Variants in PIK3C2A observed in about 807,000 individuals in gnomAD.
PIK3C2A encodes phosphatidylinositol 4-phosphate 3-kinase C2 domain-containing subunit alpha.
PIK3C2A carries 97 observed loss-of-function variants against 204.5 expected under a neutral mutation model. The observed-to-expected ratio is 0.47, with a 90% CI of 0.40 to 0.56. PIK3C2A has a LOEUF of 0.56. Ranked by LOEUF, PIK3C2A falls within the 20% of genes least tolerant of loss-of-function variation. The probability of loss-of-function intolerance (pLI) is 0.00; values close to 1 mark genes in which losing one functional copy is unlikely to be tolerated. For missense variants in PIK3C2A, 1,735 were observed against 1,969.2 expected (o/e 0.88, Z 2.25); for synonymous variants, 653 against 664.4 (o/e 0.98, Z 0.26).
chr11:17,200,185 CAAA>C (rs79594642), intron 1 of PIK3C2A, among the ~76,000 whole-genome samples: 1 of 80,018 alleles, frequency 1.2e-5, no homozygotes. Context: ...GACTGCATTT[CAAA>C]AAAAAAAAAG....
intron 20 of PIK3C2A, among the ~76,000 whole-genome samples, chr11:17,113,052 C>T (rs1327755755): frequency 6.6e-6 from 1 of 151,872 alleles, no homozygotes; most frequent in Admixed American, 6.6e-5. Context: ...GCTCTTGTTG[C>T]CCAGGCTGGA....
intron 1 of PIK3C2A, among the ~76,000 whole-genome samples, chr11:17,184,147 A>G (rs1404450987): frequency 2.0e-5 from 3 of 151,964 alleles, no homozygotes; most frequent in South Asian, 2.1e-4. Context: ...TTATAATGTT[A>G]TAACAGAGAT....
chr11:17,134,938 A>C lies in PIK3C2A; in HGVS notation c.1989T>G (p.Gly663=). The C allele has an allele frequency of 1.9e-6, 3 of 1,613,714 alleles. No homozygotes were observed. Among genetic ancestry groups the C allele is most frequent in the Non-Finnish European group, 2.5e-6 (3 of 1,179,598 alleles). The change falls in exon 11 of 33, where the codon GGT becomes GGG. Residue 663 remains glycine, a synonymous_variant. Coordinates refer to ENST00000691414, the MANE Select transcript of PIK3C2A (RefSeq NM_002645.4). ...YDLLRLHANS[G]RSPTDCAQSS... ...TTTGGGCACAGTCTGTAGGACTCCTACCAGAATTTGCATGGAGTCTGAGAA... is the reference window on the plus strand; with the variant it reads ...TTTGGGCACAGTCTGTAGGACTCCTCCCAGAATTTGCATGGAGTCTGAGAA...
chr11:17,206,942 C>T (rs1005403492), intron 1 of PIK3C2A, among the ~76,000 whole-genome samples: 2 of 152,138 alleles, frequency 1.3e-5, no homozygotes, highest in African/African-American at 4.8e-5. Flanking sequence ...AATTCAAACC[C>T]CCACTGTTCA....
intron 2 of PIK3C2A, among the ~76,000 whole-genome samples, chr11:17,156,299 C>T (rs549703617): frequency 1.0e-3 from 158 of 152,286 alleles, no homozygotes; most frequent in African/African-American, 3.6e-3. Flanking sequence ...AGAATTGGAA[C>T]ATTCTCAATT....
At chr11:17,101,097 A>C (rs998439101) in intron 25 of PIK3C2A, among the ~76,000 whole-genome samples, 181 bp downstream of exon 25, 1 of 152,234 alleles carries the variant, frequency 6.6e-6, no homozygotes, top group Admixed American at 6.5e-5. Context: ...GTCAGACAGT[A>C]GGTACTCTTG....
intron 13 of PIK3C2A, among the ~76,000 whole-genome samples, chr11:17,125,780 A>T (rs1261584413): frequency 1.3e-5 from 2 of 151,938 alleles, no homozygotes; most frequent in East Asian, 3.9e-4. Context: ...GATTACAGGC[A>T]TGAGCCACCA....
intron 1 of PIK3C2A, among the ~76,000 whole-genome samples, chr11:17,189,324 TG>T: frequency 6.8e-6 from 1 of 146,700 alleles, no homozygotes; most frequent in South Asian, 2.1e-4. Flanking sequence ...AGAAGCTGTC[TG>T]GTATACATGC....
In PIK3C2A at chr11:17,089,837, C is replaced by T. The variant is rs1848249968; in HGVS notation, c.4962G>A (p.Glu1654=). ...LSVLSAESLR[E]NFFLGGVTLP... is the part of the protein sequence containing the mutation. ...GGGTTACTCCACCCAAGAAAAAATT[C>T]TCCCGCAGAGATTCTGCACTGAGTA... Residue 1654 remains glutamate (E), a synonymous_variant, in exon 33 of 33, where the codon GAG becomes GAA. Transcript: ENST00000691414. 3.1e-6 allele frequency: 5 copies of T among 1,613,752 alleles called. No individual in the cohort carries two copies. The highest frequency in any genetic ancestry group is 4.5e-5 in the East Asian group (2 of 44,892).
chr11:17,107,525 A>G (rs1379770744), intron 22 of PIK3C2A, among the ~76,000 whole-genome samples: 1 of 152,224 alleles, frequency 6.6e-6, no homozygotes, highest in Non-Finnish European at 1.5e-5. Context: ...AGAAGGCTAC[A>G]TAAGTAGTTA....
At chr11:17,109,994 C>T (rs1187999458) in intron 22 of PIK3C2A, among the ~76,000 whole-genome samples, 3 of 152,118 alleles carry the variant, frequency 2.0e-5, no homozygotes, top group South Asian at 2.1e-4. Context: ...ACTGTGTCAC[C>T]GAGCCTAGAA....
At chr11:17,124,117 T>C (rs540436235) in intron 13 of PIK3C2A, among the ~76,000 whole-genome samples, 3 of 152,238 alleles carry the variant, frequency 2.0e-5, no homozygotes, top group Admixed American at 2.0e-4. Context: ...CACTGAAGCC[T>C]TGAACTCCTG....
At chr11:17,139,675 C>T (rs540291469) in intron 8 of PIK3C2A, among the ~76,000 whole-genome samples, 18 of 152,312 alleles carry the variant, frequency 1.2e-4, no homozygotes, top group African/African-American at 4.1e-4. Context: ...TCCTGTAATA[C>T]AAGCCTCCGT....
intron 1 of PIK3C2A, among the ~76,000 whole-genome samples, chr11:17,185,777 A>G (rs1313057702): frequency 2.0e-5 from 3 of 152,174 alleles, no homozygotes; most frequent in African/African-American, 7.2e-5. Flanking sequence ...ATACCATCCT[A>G]GACCAATTAA....
At chr11:17,153,240 T>C (rs926390664) in intron 3 of PIK3C2A, among the ~76,000 whole-genome samples, 1 of 152,012 alleles carries the variant, frequency 6.6e-6, no homozygotes, top group Non-Finnish European at 1.5e-5. Flanking sequence ...AAGACCAGCT[T>C]GGCCAATGTA....
rs12288071 is a variant in PIK3C2A at position 17,202,843 on chromosome 11, G to A, written c.-66+5005C>T. On this transcript the variant is annotated intron_variant, in intron 1 of 32. Transcript: ENST00000691414. ...TTAGCCACTAGTGTTTTTTAACCAA[G>A]CTCAGTGCACAGCAAATTAAGTGCA... Among the ~76,000 whole-genome samples the A allele has an allele frequency of 6.0e-3, 907 of 152,244 alleles. 18 individuals are homozygous for A. The highest frequency in any genetic ancestry group is 0.021 in the African/African-American group (863 of 41,528).
At chr11:17,111,916 A>C (rs1590919288) in intron 21 of PIK3C2A, among the ~76,000 whole-genome samples, 2 of 151,674 alleles carry the variant, frequency 1.3e-5, no homozygotes, top group East Asian at 3.9e-4. Context: ...AAAAAAAAAA[A>C]AACTTAACAC....
At chr11:17,102,376 G>A (rs200412187) in intron 24 of PIK3C2A, among the ~76,000 whole-genome samples, 2 of 152,212 alleles carry the variant, frequency 1.3e-5, no homozygotes, top group Non-Finnish European at 2.9e-5. Flanking sequence ...GGCGGAGCTT[G>A]CAGTGAGCCG....
intron 2 of PIK3C2A, among the ~76,000 whole-genome samples, chr11:17,162,798 A>G (rs1590979588): frequency 6.6e-6 from 1 of 152,334 alleles, no homozygotes; most frequent in East Asian, 1.9e-4. Flanking sequence ...GAATTAAACT[A>G]TGTTAAATAT....
Sources: gnomAD v4.1 joint callset for allele counts (sites outside exome capture counted in the v4.1 genomes callset) on GRCh38, gnomAD v4.1.1 for gene constraint, MANE v1.5 for transcripts, NCBI Gene and HGNC (gene_info 2026-07-23, HGNC 2026-07-21) for gene names.